Variants in RAD50 observed in about 807,000 individuals in gnomAD.
The protein encoded by RAD50 is RAD50 double strand break repair protein, also known as DNA repair protein RAD50.
In RAD50, 132 loss-of-function variants were observed where a neutral mutation model predicts 168.8. That is an observed-to-expected ratio of 0.78 (90% CI 0.68 to 0.90). The LOEUF is 0.90. Ranked by LOEUF, RAD50 falls within the 40% of genes least tolerant of loss-of-function variation. The pLI is 0.00. For missense variants in RAD50, 1,347 were observed against 1,534.4 expected (o/e 0.88, Z 2.04); for synonymous variants, 525 against 497.4 (o/e 1.06, Z -0.74).
At position 132,616,130 on chromosome 5, in the gene RAD50, G is replaced by C; in HGVS notation, c.3164G>C (p.Ser1055Thr). 1 of 1,611,978 alleles carries C rather than the reference G, an allele frequency of 6.2e-7. No individual in the cohort carries two copies. The highest frequency in any genetic ancestry group is 8.5e-7 in the Non-Finnish European group (1 of 1,178,736). The change falls in exon 20 of 25, where the codon AGT becomes ACT. Residue 1055 changes from serine to threonine, a missense_variant and splice_region_variant. Transcript: ENST00000378823. ...MGQMQVLQMKSEHQKLEENID... is the reference protein window; with the variant it reads ...MGQMQVLQMKTEHQKLEENID... ...CAAATGCAGGTTTTGCAAATGAAAAGGTATGCTTTTAAAATAATCTTCAGT... is the reference window on the plus strand; with the variant it reads ...CAAATGCAGGTTTTGCAAATGAAAACGTATGCTTTTAAAATAATCTTCAGT...
At chr5:132,598,709 A>G (rs991807942) in intron 13 of RAD50, among the ~76,000 whole-genome samples, 1 of 152,184 alleles carries the variant, frequency 6.6e-6, no homozygotes, top group African/African-American at 2.4e-5. Flanking sequence ...ACATCTTCAC[A>G]TGGCCTCTGC....
chr5:132,632,219 G>T (rs1427881832), intron 21 of RAD50, among the ~76,000 whole-genome samples: 1 of 151,984 alleles, frequency 6.6e-6, no homozygotes, highest in African/African-American at 2.4e-5. Flanking sequence ...ATAATATTTT[G>T]TACCACTTAT....
chr5:132,594,818 A>G, intron 11 of RAD50, 51 bp from the exon 12 acceptor site: 1 of 1,542,802 alleles, frequency 6.5e-7, no homozygotes, highest in Non-Finnish European at 8.9e-7. Context: ...CAAATTTTCA[A>G]ACTAATTTCT....
intron 21 of RAD50, among the ~76,000 whole-genome samples, chr5:132,618,850 C>G (rs1751225066): frequency 6.6e-6 from 1 of 152,246 alleles, no homozygotes; most frequent in African/African-American, 2.4e-5. Context: ...ACCATTATCA[C>G]TGATTGGCAT....
chr5:132,575,654 C>T, intron 2 of RAD50, 123 bp from the exon 3 acceptor site: 1 of 881,982 alleles, frequency 1.1e-6, no homozygotes, highest in Non-Finnish European at 1.8e-6. Context: ...AAAAATATCA[C>T]TCATTTTGGA....
chr5:132,568,991 A>G (rs1750256151), intron 2 of RAD50, among the ~76,000 whole-genome samples: 1 of 152,224 alleles, frequency 6.6e-6, no homozygotes, highest in African/African-American at 2.4e-5. Flanking sequence ...GCCAGAACAA[A>G]GTTCAGTACT....
At chr5:132,616,585 A>G (rs1751181918) in intron 20 of RAD50, among the ~76,000 whole-genome samples, 1 of 152,202 alleles carries the variant, frequency 6.6e-6, no homozygotes, top group Non-Finnish European at 1.5e-5. Context: ...TTGAAAGATG[A>G]GCCTCATTCT....
At chr5:132,566,336 CA>C (rs1323610322) in intron 2 of RAD50, among the ~76,000 whole-genome samples, 1 of 152,172 alleles carries the variant, frequency 6.6e-6, no homozygotes, top group Non-Finnish European at 1.5e-5. Flanking sequence ...ACACTGTAAA[CA>C]AATTAATTTT....
intron 7 of RAD50, 45 bp downstream of exon 7, chr5:132,588,134 A>G (rs776544527): frequency 1.9e-6 from 3 of 1,562,878 alleles, no homozygotes; most frequent in South Asian, 2.2e-5. Flanking sequence ...CTATGATGTT[A>G]TACATTTTCT....
chr5:132,570,105 C>T (rs1490092611), intron 2 of RAD50, among the ~76,000 whole-genome samples: 3 of 152,070 alleles, frequency 2.0e-5, no homozygotes, highest in Non-Finnish European at 2.9e-5. Context: ...TGGTAAAAAC[C>T]CTCAGCATAA....
rs907549765 is a variant in RAD50 at position 132,628,098 on chromosome 5, C to T, written c.3390-9017C>T. Reference sequence around the variant, plus strand: ...ACTGGGGAGAGAAAATCAGTAGTTCCGTTTTGTACACTTTAAGTTTGAAGT... The same window carrying T: ...ACTGGGGAGAGAAAATCAGTAGTTCTGTTTTGTACACTTTAAGTTTGAAGT... On this transcript the variant is annotated intron_variant, in intron 21 of 24. Coordinates refer to ENST00000378823, the MANE Select transcript of RAD50 (RefSeq NM_005732.4). 3.9e-5 allele frequency among the ~76,000 whole-genome samples: 6 copies of T among 152,102 alleles called. No individual in the cohort carries two copies. In the East Asian group the frequency reaches 7.7e-4, roughly 20 times the overall value.
intron 5 of RAD50, among the ~76,000 whole-genome samples, chr5:132,586,547 G>C (rs1403173168): frequency 6.6e-6 from 1 of 151,946 alleles, no homozygotes; most frequent in Non-Finnish European, 1.5e-5. Context: ...CTGTTTTTAG[G>C]TTCATTTGTA....
intron 2 of RAD50, among the ~76,000 whole-genome samples, chr5:132,574,931 CA>C (rs1255763163): frequency 6.6e-6 from 1 of 152,200 alleles, no homozygotes. Flanking sequence ...ATATCCTCAT[CA>C]GCATTTTGGT....
At chr5:132,559,254 A>G (rs763146740) in intron 1 of RAD50, 30 bp from the exon 2 acceptor site, 3 of 1,576,590 alleles carry the variant, frequency 1.9e-6, no homozygotes, top group Admixed American at 1.8e-5. Context: ...TTCTCTTATA[A>G]CGAAATAATG....
intron 23 of RAD50, among the ~76,000 whole-genome samples, chr5:132,639,049 G>A (rs1751656738): frequency 6.6e-6 from 1 of 152,114 alleles, no homozygotes; most frequent in Non-Finnish European, 1.5e-5. Context: ...ATAGTTTGCA[G>A]TTTTTGCTTA....
chr5:132,637,348 C>T, intron 22 of RAD50, 148 bp downstream of exon 22: 1 of 1,427,052 alleles, frequency 7.0e-7, no homozygotes, highest in Non-Finnish European at 9.4e-7. Context: ...ATCTTGGCAA[C>T]ATCTTGTAGC....
At position 132,557,180 on chromosome 5, in the gene RAD50, T is replaced by C. The variant is rs1411894691; in HGVS notation, c.-145T>C. 12 of 1,112,102 alleles carry C rather than the reference T, an allele frequency of 1.1e-5. No homozygotes were observed. The highest frequency in any genetic ancestry group is 2.0e-5 in the Admixed American group (1 of 50,896). The allele number at this position is 1,112,102 out of a possible 1,614,324, so 68.9% of individuals were successfully genotyped here. On this transcript the variant is annotated 5_prime_UTR_variant, in exon 1 of 25. Coordinates refer to ENST00000378823, the MANE Select transcript of RAD50 (RefSeq NM_005732.4). ...TCCCGCTGTTGGCTGGCAGGATCTTTTGGCAGTCCTGTGGCCTCGCTCCCC... is the reference window on the plus strand; with the variant it reads ...TCCCGCTGTTGGCTGGCAGGATCTTCTGGCAGTCCTGTGGCCTCGCTCCCC...
At chr5:132,589,031 G>A in intron 8 of RAD50, 151 bp downstream of exon 8, 1 of 806,874 alleles carries the variant, frequency 1.2e-6, no homozygotes, top group South Asian at 1.6e-5. Flanking sequence ...CTTTATTGAA[G>A]CAAATGTTCT....
chr5:132,633,098 C>CTTTTTTTTTTTTTTTT (rs34616055), intron 21 of RAD50, among the ~76,000 whole-genome samples: 1 of 113,012 alleles, frequency 8.8e-6, no homozygotes, highest in Non-Finnish European at 1.8e-5. Flanking sequence ...TTCGTTTTTT[C>CTTTTTTTTTTTTTTTT]TTTTTTTTTT....
Sources: allele counts gnomAD v4.1 joint callset (sites outside exome capture counted in the v4.1 genomes callset), GRCh38; gene constraint gnomAD v4.1.1; transcripts MANE v1.5; gene names NCBI Gene and HGNC (gene_info 2026-07-23, HGNC 2026-07-21).